ABCC1: variants seen among roughly 807,000 people sequenced by gnomAD.
ABCC1 encodes the protein ATP binding cassette subfamily C member 1 (ABCC1 blood group).
Under a neutral mutation model 172.9 loss-of-function variants are expected in ABCC1, and 83 were observed. That is an observed-to-expected ratio of 0.48 (90% confidence interval 0.40 to 0.58). The LOEUF (loss-of-function observed/expected upper bound fraction) is 0.58. Ranked by LOEUF, ABCC1 falls within the 20% of genes least tolerant of loss-of-function variation. The probability of loss-of-function intolerance (pLI) is 0.00; values close to 1 mark genes in which losing one functional copy is unlikely to be tolerated. For missense variants in ABCC1, 1,817 were observed against 2,002.7 expected (o/e 0.91, Z 1.77); for synonymous variants, 937 against 825.2 (o/e 1.14, Z -2.32).
rs1171711764 is a variant in ABCC1 at position 16,056,249 on chromosome 16, A to G, written c.1631A>G (p.Tyr544Cys). The change falls in exon 12 of 31, where the codon TAC becomes TGC. Residue 544 changes from tyrosine to cysteine, a missense_variant. By Grantham distance (194) the Tyr-to-Cys change is radical. This residue lies in a region of ABCC1 where 1,412 missense variants were observed against 1,600.3 expected (regional missense o/e 0.88). Coordinates refer to ENST00000399410, the MANE Select transcript of ABCC1 (RefSeq NM_004996.4). ...EELKVLKKSA[Y>C]LSAVGTFTWV... The stretch of plus-strand genomic sequence containing the variant: ...CTGAAGGTGCTGAAGAAGTCTGCCT[A>G]CCTGTCAGCCGTGGGCACCTTCACC... 1 of 1,614,226 alleles carries G rather than the reference A, an allele frequency of 6.2e-7. No individual in the cohort carries two copies. The highest frequency in any genetic ancestry group is 8.5e-7 in the Non-Finnish European group (1 of 1,180,042).
intron 1 of ABCC1, among the ~76,000 whole-genome samples, chr16:16,000,336 G>A (rs11075288): frequency 0.51 from 77,134 of 151,650 alleles, 20,201 homozygotes; most frequent in Non-Finnish European, 0.59. Flanking sequence ...AGTAGAGACG[G>A]GTTTCACCAT....
intron 1 of ABCC1, among the ~76,000 whole-genome samples, chr16:16,002,418 C>T (rs1176887421): frequency 6.6e-6 from 1 of 152,172 alleles, no homozygotes; most frequent in African/African-American, 2.4e-5. Flanking sequence ...AGACTTGTCC[C>T]TTGTACCTCT....
intron 29 of ABCC1, 22 bp from the exon 30 acceptor site, chr16:16,138,342 T>G: frequency 6.4e-7 from 1 of 1,555,952 alleles, no homozygotes; most frequent in Non-Finnish European, 8.8e-7. Flanking sequence ...CACTATCTCC[T>G]GGTTTTTTTC....
At chr16:16,047,764 C>T (rs1417710530) in intron 9 of ABCC1, among the ~76,000 whole-genome samples, 2 of 151,938 alleles carry the variant, frequency 1.3e-5, no homozygotes, top group African/African-American at 2.4e-5. Flanking sequence ...AGCCTGGAAG[C>T]GTAGAAATGC....
rs1368442970 is a variant in ABCC1 at position 16,141,972 on chromosome 16, C to T, written c.*691C>T. The T allele has an allele frequency of 6.6e-6, 1 of 152,250 alleles. No individual in the cohort carries two copies. Among genetic ancestry groups the T allele is most frequent in the Non-Finnish European group, 1.5e-5 (1 of 68,072 alleles). The allele number at this position is 152,250 out of a possible 1,614,324, so 9.4% of individuals were successfully genotyped here. The stretch of plus-strand genomic sequence containing the variant: ...GCCTCTGCACTCCCACGCCTGTCCT[C>T]CTGGAAGGGACCTGGTTGGACTAAC... On this transcript the variant is annotated 3_prime_UTR_variant, in exon 31 of 31. Transcript: ENST00000399410.
At chr16:16,062,210 A>G (rs889744820) in intron 12 of ABCC1, among the ~76,000 whole-genome samples, 3 of 152,222 alleles carry the variant, frequency 2.0e-5, no homozygotes, top group Non-Finnish European at 4.4e-5. Flanking sequence ...TGCTCTGCAC[A>G]TTGGATTCGT....
intron 14 of ABCC1, among the ~76,000 whole-genome samples, chr16:16,075,391 G>A (rs891491780): frequency 6.6e-6 from 1 of 151,762 alleles, no homozygotes; most frequent in Non-Finnish European, 1.5e-5. Flanking sequence ...TTGGAAGGCC[G>A]AGGCAAGCAG....
At chr16:16,139,990 C>T (rs548071784) in intron 30 of ABCC1, among the ~76,000 whole-genome samples, 4 of 152,288 alleles carry the variant, frequency 2.6e-5, no homozygotes, top group African/African-American at 4.8e-5. Flanking sequence ...AGATAGTGCA[C>T]GAATGAATGA....
chr16:16,056,251 C>T lies in ABCC1; in HGVS notation c.1633C>T (p.Leu545=). The change falls in exon 12 of 31, where the codon CTG becomes TTG. Residue 545 remains leucine, a synonymous_variant. Coordinates refer to ENST00000399410, the MANE Select transcript of ABCC1 (RefSeq NM_004996.4). ...GAAGGTGCTGAAGAAGTCTGCCTACCTGTCAGCCGTGGGCACCTTCACCTG... is the reference window on the plus strand; with the variant it reads ...GAAGGTGCTGAAGAAGTCTGCCTACTTGTCAGCCGTGGGCACCTTCACCTG... The part of the protein sequence containing the change: ...ELKVLKKSAY[L]SAVGTFTWVC... 1 of 1,614,252 alleles carries T rather than the reference C, an allele frequency of 6.2e-7. No homozygotes were observed. The highest frequency in any genetic ancestry group is 8.5e-7 in the Non-Finnish European group (1 of 1,180,050).
At chr16:16,034,580 CTTTTT>C (rs35163690) in intron 6 of ABCC1, among the ~76,000 whole-genome samples, 1 of 84,686 alleles carries the variant, frequency 1.2e-5, no homozygotes, top group African/African-American at 5.2e-5. Context: ...TGTATGTTAA[CTTTTT>C]TTTTTTTTTT....
At chr16:16,036,260 C>T (rs2048752463) in intron 6 of ABCC1, among the ~76,000 whole-genome samples, 1 of 151,868 alleles carries the variant, frequency 6.6e-6, no homozygotes, top group Non-Finnish European at 1.5e-5. Context: ...TCCTGCATGA[C>T]CCAACAGAAT....
intron 1 of ABCC1, among the ~76,000 whole-genome samples, chr16:15,974,518 G>A (rs2046441166): frequency 6.6e-6 from 1 of 152,052 alleles, no homozygotes; most frequent in African/African-American, 2.4e-5. Context: ...TCTTAATTCT[G>A]GAAACTTAGA....
intron 5 of ABCC1, among the ~76,000 whole-genome samples, chr16:16,020,429 C>G (rs1008627375): frequency 2.6e-5 from 4 of 152,170 alleles, no homozygotes; most frequent in Admixed American, 2.6e-4. Context: ...AGAGTTTAGA[C>G]CAGGAGTTAG....
At chr16:15,978,789 A>G (rs2046551674) in intron 1 of ABCC1, among the ~76,000 whole-genome samples, 1 of 152,110 alleles carries the variant, frequency 6.6e-6, no homozygotes, top group South Asian at 2.1e-4. Flanking sequence ...GAGGACGTTC[A>G]TTGATGTCTA....
At chr16:16,013,396 A>G (rs563402768) in intron 3 of ABCC1, among the ~76,000 whole-genome samples, 51 of 151,012 alleles carry the variant, frequency 3.4e-4, no homozygotes, top group South Asian at 1.7e-3. Context: ...TCAGCTTCCC[A>G]GCTAGCTGTG....
intron 1 of ABCC1, among the ~76,000 whole-genome samples, chr16:16,003,946 G>C (rs576722900): frequency 1.3e-4 from 20 of 150,730 alleles, no homozygotes; most frequent in African/African-American, 3.7e-4. Flanking sequence ...GAATTGGTTG[G>C]GGGGGGTGGA....
chr16:15,977,583 G>T (rs2151568102), intron 1 of ABCC1, among the ~76,000 whole-genome samples: 1 of 152,164 alleles, frequency 6.6e-6, no homozygotes, highest in East Asian at 1.9e-4. Context: ...CCCTCTTGGA[G>T]TGAGGTTCCC....
At chr16:16,035,111 T>G (rs1225309401) in intron 6 of ABCC1, among the ~76,000 whole-genome samples, 1 of 152,108 alleles carries the variant, frequency 6.6e-6, no homozygotes, top group Admixed American at 6.6e-5. Flanking sequence ...ATTATAAAAG[T>G]GTTTAGTCTG....
At chr16:16,066,748 A>G (rs1383923178) in intron 12 of ABCC1, among the ~76,000 whole-genome samples, 1 of 151,836 alleles carries the variant, frequency 6.6e-6, no homozygotes, top group Admixed American at 6.6e-5. Context: ...AGAAAAATAC[A>G]AAAAGATTAG....
Sources: gnomAD v4.1 joint callset for allele counts (sites outside exome capture counted in the v4.1 genomes callset) on GRCh38, gnomAD v4.1.1 for gene constraint, gnomAD v4.1.1 regional missense constraint, MANE v1.5 for transcripts, NCBI Gene and HGNC (gene_info 2026-07-23, HGNC 2026-07-21) for gene names.